The following IL1RAPL2 variants were observed in gnomAD, a reference collection of about 807,000 sequenced individuals.
IL1RAPL2 encodes the protein X-linked interleukin-1 receptor accessory protein-like 2.
Under a neutral mutation model 44.1 loss-of-function variants are expected in IL1RAPL2, and 3 were observed. That is an observed-to-expected ratio of 0.07 (90% CI 0.03 to 0.18). The LOEUF is 0.18. Ranked by LOEUF, IL1RAPL2 falls within the 10% of genes least tolerant of loss-of-function variation. IL1RAPL2 has a pLI of 1.00. For synonymous variants in IL1RAPL2, 181 were observed against 178.8 expected (o/e 1.01, Z -0.10); for missense variants, 391 against 496.4 (o/e 0.79, Z 2.02).
chrX:104,890,481 G>C (rs1039673414), intron 2 of IL1RAPL2, among the ~76,000 whole-genome samples: 1 of 111,580 alleles, frequency 9.0e-6, no homozygotes, highest in Non-Finnish European at 1.9e-5. Flanking sequence ...CTTTTTAATA[G>C]TTGCCATTCT....
At chrX:105,277,619 G>T (rs760878780) in intron 5 of IL1RAPL2, among the ~76,000 whole-genome samples, 1 of 111,523 alleles carries the variant, frequency 9.0e-6, no homozygotes, top group South Asian at 3.8e-4. Flanking sequence ...GACCAAAAAT[G>T]CTTCTCTTCT....
intron 6 of IL1RAPL2, among the ~76,000 whole-genome samples, chrX:105,529,735 G>A (rs1354677957): frequency 9.0e-6 from 1 of 111,158 alleles, no homozygotes; most frequent in African/African-American, 3.3e-5. Flanking sequence ...GCTTCATTCC[G>A]CCTGTCTCTA....
At chrX:105,477,427 G>A (rs1272185771) in intron 5 of IL1RAPL2, among the ~76,000 whole-genome samples, 1 of 111,326 alleles carries the variant, frequency 9.0e-6, no homozygotes, top group Non-Finnish European at 1.9e-5. Flanking sequence ...GAGAAAGAGA[G>A]ATTCCTTGCC....
chrX:105,435,286 A>G (rs937085355), intron 5 of IL1RAPL2, among the ~76,000 whole-genome samples: 1 of 111,947 alleles, frequency 8.9e-6, no homozygotes, highest in Non-Finnish European at 1.9e-5. Context: ...CAAACATATG[A>G]AAAAAAGCTC....
At chrX:105,067,209 C>G (rs894660402) in intron 2 of IL1RAPL2, among the ~76,000 whole-genome samples, 4 of 111,220 alleles carry the variant, frequency 3.6e-5, no homozygotes, top group Admixed American at 1.9e-4. Flanking sequence ...CCTGCAGAGA[C>G]ACACACACGC....
At chrX:104,756,460 G>C (rs1300019398) in intron 2 of IL1RAPL2, among the ~76,000 whole-genome samples, 1 of 111,098 alleles carries the variant, frequency 9.0e-6, no homozygotes, top group Non-Finnish European at 1.9e-5. Flanking sequence ...ATAGGGAGTT[G>C]GGCCTAGTCC....
In IL1RAPL2 at chrX:105,379,236, G is replaced by A. The variant is rs2035411107; in HGVS notation, c.698-105077G>A. 3.6e-5 allele frequency among the ~76,000 whole-genome samples: 4 copies of A among 111,359 alleles called. No homozygotes were observed. In the South Asian group the frequency reaches 1.5e-3, roughly 42 times the overall value. On this transcript the variant is annotated intron_variant, in intron 5 of 10. Coordinates refer to ENST00000372582, the MANE Select transcript of IL1RAPL2 (RefSeq NM_017416.2). The stretch of plus-strand genomic sequence containing the variant: ...CCATTAATAGCTTCATGGAGGGAGT[G>A]ACCTTGAGGGATTAGGTTTTGATAG...
At chrX:104,807,848 C>T (rs915083498) in intron 2 of IL1RAPL2, among the ~76,000 whole-genome samples, 1 of 110,690 alleles carries the variant, frequency 9.0e-6, no homozygotes, top group East Asian at 2.8e-4. Context: ...TCATTTTGTT[C>T]CATTTTTTTC....
intron 8 of IL1RAPL2, among the ~76,000 whole-genome samples, chrX:105,748,248 C>A (rs765660114): frequency 8.9e-6 from 1 of 111,990 alleles, no homozygotes; most frequent in African/African-American, 3.2e-5. Context: ...TCTAGGGATG[C>A]CCCCCTGGAG....
intron 3 of IL1RAPL2, among the ~76,000 whole-genome samples, chrX:105,216,649 A>G (rs1031015713): frequency 9.0e-6 from 1 of 111,573 alleles, no homozygotes. Flanking sequence ...AGCCAAGACA[A>G]TCCTAAGCAA....
intron 2 of IL1RAPL2, among the ~76,000 whole-genome samples, chrX:104,967,215 T>C (rs1235854823): frequency 8.9e-6 from 1 of 112,136 alleles, no homozygotes; most frequent in Non-Finnish European, 1.9e-5. Context: ...GACCATGTTC[T>C]CTTAACTCAA....
chrX:104,743,006 A>G (rs1345153266), intron 2 of IL1RAPL2, among the ~76,000 whole-genome samples: 1 of 111,831 alleles, frequency 8.9e-6, no homozygotes, highest in Non-Finnish European at 1.9e-5. Flanking sequence ...ATCAGTTTAT[A>G]TACCTGTTAT....
At chrX:104,924,868 T>A (rs980832644) in intron 2 of IL1RAPL2, among the ~76,000 whole-genome samples, 3 of 110,401 alleles carry the variant, frequency 2.7e-5, no homozygotes, top group African/African-American at 9.9e-5. Flanking sequence ...CTAAATGAGA[T>A]TGAGACCAAT....
intron 2 of IL1RAPL2, among the ~76,000 whole-genome samples, chrX:105,192,247 T>A (rs2033638942): frequency 8.9e-6 from 1 of 112,392 alleles, no homozygotes; most frequent in South Asian, 3.7e-4. Context: ...GACAGAAATC[T>A]GACTTGCATG....
intron 2 of IL1RAPL2, among the ~76,000 whole-genome samples, chrX:104,962,240 A>G (rs769906674): frequency 2.7e-5 from 3 of 112,300 alleles, no homozygotes; most frequent in Non-Finnish European, 5.6e-5. Context: ...TTTTGAAGGT[A>G]AGTAAATATA....
At chrX:105,431,257 C>T (rs984392181) in intron 5 of IL1RAPL2, among the ~76,000 whole-genome samples, 7 of 111,956 alleles carry the variant, frequency 6.3e-5, no homozygotes, top group African/African-American at 2.3e-4. Flanking sequence ...GTACAGAGAG[C>T]GAATACGGTC....
At chrX:105,234,662 G>T (rs2034103642) in intron 4 of IL1RAPL2, among the ~76,000 whole-genome samples, 1 of 110,121 alleles carries the variant, frequency 9.1e-6, no homozygotes, top group Non-Finnish European at 1.9e-5. Flanking sequence ...ATAAAAATTA[G>T]CTGGGCATTG....
intron 6 of IL1RAPL2, among the ~76,000 whole-genome samples, chrX:105,545,514 T>C (rs1043996233): frequency 8.9e-6 from 1 of 112,180 alleles, no homozygotes; most frequent in Admixed American, 9.4e-5. Flanking sequence ...AGGCAGGGGT[T>C]TTAAAAGGAA....
chrX:104,586,244 T>C (rs1928560253), intron 1 of IL1RAPL2, among the ~76,000 whole-genome samples: 1 of 112,058 alleles, frequency 8.9e-6, no homozygotes, highest in Non-Finnish European at 1.9e-5. Context: ...ATGTATGTCT[T>C]CTTTTGAAAA....
Sources: gnomAD v4.1 joint callset for allele counts (sites outside exome capture counted in the v4.1 genomes callset) on GRCh38, gnomAD v4.1.1 for gene constraint, MANE v1.5 for transcripts, NCBI Gene and HGNC (gene_info 2026-07-23, HGNC 2026-07-21) for gene names.